The following MID1 variants were observed in gnomAD, a reference collection of about 807,000 sequenced individuals.
The protein encoded by MID1 is midline 1, also known as E3 ubiquitin-protein ligase Midline-1.
A neutral mutation model predicts 40.4 loss-of-function variants in MID1; 7 were observed. The observed-to-expected ratio is 0.17, with a 90% confidence interval of 0.10 to 0.33. The LOEUF (loss-of-function observed/expected upper bound fraction) is 0.33. Ranked by LOEUF, MID1 falls within the 10% of genes least tolerant of loss-of-function variation. The pLI is 1.00. For synonymous variants in MID1, 229 were observed against 221.2 expected, an observed-to-expected ratio of 1.04 and a Z score of -0.31; for missense variants, 367 against 558.5, an observed-to-expected ratio of 0.66 and a Z score of 3.46.
At chrX:10,699,974 C>T (rs1394365179) in intron 1 of MID1, among the ~76,000 whole-genome samples, 1 of 109,498 alleles carries the variant, frequency 9.1e-6, no homozygotes, top group African/African-American at 3.3e-5. Context: ...AGACATGTGC[C>T]ACCACGCCCG....
intron 1 of MID1, among the ~76,000 whole-genome samples, chrX:10,765,849 G>C (rs181807706): frequency 6.1e-4 from 65 of 106,545 alleles, no homozygotes; most frequent in African/African-American, 2.2e-3. Flanking sequence ...GAAGTATGCT[G>C]TCTAATATCA....
chrX:10,520,253 T>C (rs1932643036), intron 3 of MID1, among the ~76,000 whole-genome samples: 1 of 112,003 alleles, frequency 8.9e-6, no homozygotes. Flanking sequence ...GTCTCATCTA[T>C]ATTTTGTGTG....
chrX:10,830,753 A>G (rs754677336), intron 1 of MID1, among the ~76,000 whole-genome samples: 6 of 112,728 alleles, frequency 5.3e-5, no homozygotes, highest in South Asian at 3.7e-4. Context: ...AAAGGATTCC[A>G]TGAAGCACTT....
At chrX:10,709,435 A>G (rs1292575362) in intron 1 of MID1, among the ~76,000 whole-genome samples, 1 of 112,330 alleles carries the variant, frequency 8.9e-6, no homozygotes, top group Non-Finnish European at 1.9e-5. Context: ...CGGGTCTTTT[A>G]ATATCTGGGA....
At chrX:10,628,711 G>T (rs1032003339) in intron 1 of MID1, among the ~76,000 whole-genome samples, 1 of 111,544 alleles carries the variant, frequency 9.0e-6, no homozygotes, top group African/African-American at 3.3e-5. Flanking sequence ...ACACTGAGAG[G>T]TCTAATGAGA....
chrX:10,818,030 TATAAGA>T lies in MID1; in HGVS notation c.-187+15518_-187+15523del, dbSNP rs1487168272. On this transcript the variant is annotated intron_variant, in intron 1 of 10. Transcript: ENST00000380785. Reference sequence around the variant, plus strand: ...TATATTGCTGCCATTTTTGTATATTTATAAGAATAAGATTTTGTTGTTGATTAGGGT... The same window carrying T: ...TATATTGCTGCCATTTTTGTATATTTATAAGATTTTGTTGTTGATTAGGGT... Among the ~76,000 whole-genome samples the T allele has an allele frequency of 4.4e-5, 5 of 112,444 alleles. No individual in the cohort carries two copies. The South Asian group carries it at 1.8e-3, about 41-fold the overall frequency.
intron 1 of MID1, among the ~76,000 whole-genome samples, chrX:10,679,990 G>T (rs1000038743): frequency 3.6e-5 from 4 of 112,277 alleles, no homozygotes; most frequent in African/African-American, 1.3e-4. Flanking sequence ...TAAAGAATTA[G>T]AATAGCCATG....
chrX:10,771,819 AT>A (rs1361742976), intron 1 of MID1, among the ~76,000 whole-genome samples: 3 of 110,005 alleles, frequency 2.7e-5, no homozygotes, highest in African/African-American at 1.0e-4. Context: ...ACATTTATCT[AT>A]TTTTAATTGA....
At chrX:10,805,933 G>T (rs1297548849) in intron 1 of MID1, among the ~76,000 whole-genome samples, 2 of 109,630 alleles carry the variant, frequency 1.8e-5, no homozygotes, top group African/African-American at 6.6e-5. Flanking sequence ...TTTTTTTCTT[G>T]TAAATTTGTT....
chrX:10,536,157 C>T (rs749815165), intron 2 of MID1, among the ~76,000 whole-genome samples: 2 of 111,143 alleles, frequency 1.8e-5, no homozygotes, highest in South Asian at 3.8e-4. Flanking sequence ...TTCAGGAGGT[C>T]GAGGCTGCAG....
intron 2 of MID1, among the ~76,000 whole-genome samples, chrX:10,540,483 T>C (rs1349240987): frequency 8.9e-6 from 1 of 111,805 alleles, no homozygotes; most frequent in Non-Finnish European, 1.9e-5. Flanking sequence ...TAAAGCCTGA[T>C]GCATTGCTTC....
chrX:10,762,501 T>A (rs1261649874), intron 1 of MID1, among the ~76,000 whole-genome samples: 2 of 109,280 alleles, frequency 1.8e-5, no homozygotes, highest in African/African-American at 6.6e-5. Flanking sequence ...TTTTCCAATA[T>A]CGGCTCACTG....
Position 10,711,639 on chromosome X carries a change from G to A in MID1, c.-186-91220C>T, listed in dbSNP as rs140008894. Among the ~76,000 whole-genome samples the A allele has an allele frequency of 3.4e-3, 383 of 112,099 alleles. 2 individuals carry two copies. Among genetic ancestry groups the A allele is most frequent in the African/African-American group, 0.012 (367 of 30,903 alleles). ...TTTCCCCTCTTAGAAAAAAAGAGAAGGAGCAAATATTAGGATCATCAAGTT... is the reference window on the plus strand; with the variant it reads ...TTTCCCCTCTTAGAAAAAAAGAGAAAGAGCAAATATTAGGATCATCAAGTT... On this transcript the variant is annotated intron_variant, in intron 1 of 10. Transcript: ENST00000380785.
At chrX:10,777,009 T>G (rs762038264) in intron 1 of MID1, among the ~76,000 whole-genome samples, 1 of 110,828 alleles carries the variant, frequency 9.0e-6, no homozygotes, top group African/African-American at 3.3e-5. Context: ...CTCTAAAATC[T>G]CTGGGAAATA....
At chrX:10,519,766 T>C (rs1310342067) in intron 3 of MID1, among the ~76,000 whole-genome samples, 1 of 111,871 alleles carries the variant, frequency 8.9e-6, no homozygotes, top group Non-Finnish European at 1.9e-5. Flanking sequence ...GATGAGAACA[T>C]CCCTAATTTC....
At chrX:10,744,793 T>A (rs766436601) in intron 1 of MID1, among the ~76,000 whole-genome samples, 10 of 111,700 alleles carry the variant, frequency 9.0e-5, no homozygotes, top group African/African-American at 2.9e-4. Flanking sequence ...AGCCAACATA[T>A]GTTTCCAGAG....
intron 1 of MID1, among the ~76,000 whole-genome samples, chrX:10,683,848 G>T (rs2043076280): frequency 1.1e-5 from 1 of 89,088 alleles, no homozygotes. Flanking sequence ...TTGGCTCACT[G>T]CAACCTCTGC....
chrX:10,792,683 A>G (rs1413051989), intron 1 of MID1, among the ~76,000 whole-genome samples: 1 of 112,067 alleles, frequency 8.9e-6, no homozygotes, highest in Non-Finnish European at 1.9e-5. Flanking sequence ...TGTCCAGAAG[A>G]GGCAAATCCA....
At chrX:10,474,546 G>C in intron 6 of MID1, 77 bp downstream of exon 6, 30 of 1,035,036 alleles carry the variant, frequency 2.9e-5, no homozygotes, top group Non-Finnish European at 3.9e-5. Flanking sequence ...CTGGTTATTG[G>C]GGAATAACTG....
Sources: allele counts gnomAD v4.1 joint callset (sites outside exome capture counted in the v4.1 genomes callset), GRCh38; gene constraint gnomAD v4.1.1; transcripts MANE v1.5; gene names NCBI Gene and HGNC (gene_info 2026-07-23, HGNC 2026-07-21).